SAMSN1: variants seen among roughly 807,000 people sequenced by gnomAD.
SAMSN1 encodes the protein SAM domain-containing protein SAMSN-1.
A neutral mutation model predicts 42.0 loss-of-function variants in SAMSN1; 31 were observed. That is an observed-to-expected ratio of 0.74 (90% CI 0.55 to 1.00). The LOEUF (loss-of-function observed/expected upper bound fraction) is 1.00. Among genes scored for constraint, SAMSN1 ranks in the 50% least tolerant of loss-of-function variants. SAMSN1 has a pLI of 0.00. For synonymous variants in SAMSN1, 178 were observed against 151.9 expected (o/e 1.17, Z -1.26); for missense variants, 464 against 439.4 (o/e 1.06, Z -0.50).
chr21:14,658,153 C>T (rs892590292), intron 1 of SAMSN1, among the ~76,000 whole-genome samples: 1 of 151,838 alleles, frequency 6.6e-6, no homozygotes, highest in East Asian at 1.9e-4. Flanking sequence ...TACCTGATAA[C>T]TTTCACTGAT....
At chr21:14,492,134 A>T (rs1986716611) in intron 7 of SAMSN1, among the ~76,000 whole-genome samples, 1 of 152,130 alleles carries the variant, frequency 6.6e-6, no homozygotes, top group South Asian at 2.1e-4. Flanking sequence ...ATTTTTGTGC[A>T]TTCGTATCTT....
chr21:14,550,934 T>C (rs1980574136), upstream of SAMSN1, among the ~76,000 whole-genome samples: 1 of 152,124 alleles, frequency 6.6e-6, no homozygotes, highest in Non-Finnish European at 1.5e-5. Flanking sequence ...TTCCTTTGTT[T>C]TTATTTTAAG....
intron 1 of SAMSN1, among the ~76,000 whole-genome samples, chr21:14,540,889 T>C (rs978112055): frequency 1.3e-5 from 2 of 152,090 alleles, no homozygotes; most frequent in Non-Finnish European, 2.9e-5. Flanking sequence ...AACCCAAATG[T>C]CCATCAATGA....
chr21:14,580,243 T>TCAGTTTGG (rs2123240684), intron 2 of SAMSN1, among the ~76,000 whole-genome samples: 1 of 152,272 alleles, frequency 6.6e-6, no homozygotes, highest in Admixed American at 6.5e-5. Context: ...AGCAAATCAT[T>TCAGTTTGG]CAGTTTGGCA....
chr21:14,602,225 A>AT (rs911384673), intron 5 of SAMSN1: 277 of 342,002 alleles, frequency 8.1e-4, no homozygotes, highest in East Asian at 1.0e-3. Flanking sequence ...CGTCAAAAAT[A>AT]TTTTTTTTTG....
At chr21:14,613,395 C>T (rs1485863048) in intron 3 of SAMSN1, among the ~76,000 whole-genome samples, 1 of 152,108 alleles carries the variant, frequency 6.6e-6, no homozygotes, top group Non-Finnish European at 1.5e-5. Context: ...ACCATCTGAG[C>T]CCACTGAGCA....
intron 2 of SAMSN1, among the ~76,000 whole-genome samples, chr21:14,575,439 T>C (rs534136894): frequency 1.1e-4 from 16 of 152,308 alleles, no homozygotes; most frequent in Admixed American, 2.0e-4. Context: ...TTTTCAAAAT[T>C]CTCAGTCCAG....
intron 1 of SAMSN1, among the ~76,000 whole-genome samples, chr21:14,544,115 A>G (rs1336815840): frequency 2.0e-5 from 3 of 152,178 alleles, no homozygotes; most frequent in Non-Finnish European, 4.4e-5. Flanking sequence ...AGTGGCACGA[A>G]CACGGCCCAC....
At chr21:14,582,381 C>A in exon 2 of SAMSN1, 1 of 1,550,190 alleles carries the variant, frequency 6.5e-7, no homozygotes, top group East Asian at 2.4e-5. Flanking sequence ...GAAAGAGTAT[C>A]CAATCTAATC....
chr21:14,583,774 G>T, upstream of SAMSN1: 1 of 716,588 alleles, frequency 1.4e-6, no homozygotes, highest in South Asian at 1.5e-5. Context: ...CTGATTTTAT[G>T]GCCTAGCACA....
At chr21:14,559,587 T>C (rs1430832558) in intron 2 of SAMSN1, among the ~76,000 whole-genome samples, 1 of 152,166 alleles carries the variant, frequency 6.6e-6, no homozygotes, top group Non-Finnish European at 1.5e-5. Flanking sequence ...CACTGCAGCA[T>C]TGAACTCATG....
chr21:14,512,688 A>G, intron 3 of SAMSN1, 115 bp from the exon 4 acceptor site: 2 of 987,288 alleles, frequency 2.0e-6, no homozygotes, highest in African/African-American at 1.6e-5. Context: ...AAGGATACAT[A>G]AGGATAAAAT....
At position 14,654,870 on chromosome 21, in the gene SAMSN1, G is replaced by T. The variant is rs993042856; in HGVS notation, c.24+3878C>A. Among the ~76,000 whole-genome samples the T allele has an allele frequency of 1.5e-4, 23 of 151,664 alleles. 1 individual carries two copies. Among genetic ancestry groups the T allele is most frequent in the African/African-American group, 5.6e-4 (23 of 41,336 alleles). On this transcript the variant is annotated intron_variant, in intron 1 of 15. Transcript: ENST00000647101. Reference sequence around the variant, plus strand: ...GCCAGGAAAGAAAGAAAGAAAGAGAGAAAGAGAGAGAGAAGAAGAAAAAGA... The same window carrying T: ...GCCAGGAAAGAAAGAAAGAAAGAGATAAAGAGAGAGAGAAGAAGAAAAAGA...
At chr21:14,503,265 T>C (rs1192231716) in intron 5 of SAMSN1, among the ~76,000 whole-genome samples, 1 of 152,104 alleles carries the variant, frequency 6.6e-6, no homozygotes, top group Non-Finnish European at 1.5e-5. Flanking sequence ...TGAGTGAGCT[T>C]TTTCCTGTTC....
intron 1 of SAMSN1, among the ~76,000 whole-genome samples, chr21:14,540,959 T>G (rs969897089): frequency 7.2e-5 from 11 of 152,148 alleles, no homozygotes; most frequent in African/African-American, 1.7e-4. Context: ...CCATAAAAAA[T>G]GATGAGTTCA....
chr21:14,506,187 A>G (rs1439676339), intron 5 of SAMSN1, among the ~76,000 whole-genome samples: 2 of 152,144 alleles, frequency 1.3e-5, no homozygotes, highest in Non-Finnish European at 2.9e-5. Flanking sequence ...GAACAAACCA[A>G]ACTCAAACAC....
At chr21:14,564,422 C>T (rs527380067) in intron 2 of SAMSN1, among the ~76,000 whole-genome samples, 1 of 152,274 alleles carries the variant, frequency 6.6e-6, no homozygotes, top group Non-Finnish European at 1.5e-5. Flanking sequence ...CTCTTAACAA[C>T]AGTATCAAGT....
At chr21:14,501,024 T>G (rs924389105) in intron 5 of SAMSN1, among the ~76,000 whole-genome samples, 6 of 151,988 alleles carry the variant, frequency 3.9e-5, no homozygotes, top group African/African-American at 1.5e-4. Context: ...TTTTTTCTTT[T>G]AATTAGCCTG....
chr21:14,628,188 G>A (rs1983232854), intron 2 of SAMSN1, among the ~76,000 whole-genome samples: 1 of 152,116 alleles, frequency 6.6e-6, no homozygotes, highest in Non-Finnish European at 1.5e-5. Context: ...TACAAATTAT[G>A]CTGGATAGAA....
Sources: gnomAD v4.1 joint callset for allele counts (sites outside exome capture counted in the v4.1 genomes callset) on GRCh38, gnomAD v4.1.1 for gene constraint, MANE v1.5 for transcripts, NCBI Gene and HGNC (gene_info 2026-07-23, HGNC 2026-07-21) for gene names.